The following CDH7 variants were observed in gnomAD, a reference collection of about 807,000 sequenced individuals.
CDH7 encodes the protein cadherin-7.
CDH7 carries 25 observed loss-of-function variants against 71.8 expected under a neutral mutation model. That is an observed-to-expected ratio of 0.35 (90% CI 0.25 to 0.49). CDH7 has a LOEUF of 0.49. Among genes scored for constraint, CDH7 ranks in the 20% least tolerant of loss-of-function variants. The pLI is 0.99. For synonymous variants in CDH7, 381 were observed against 363.8 expected (o/e 1.05, Z -0.54); for missense variants, 862 against 974.6 (o/e 0.88, Z 1.54).
In CDH7 at chr18:65,814,342, T is replaced by C. The variant is rs1370125477; in HGVS notation, c.506-143T>C. 1.2e-5 allele frequency: 10 copies of C among 807,028 alleles called. No homozygotes were observed. The Admixed American group carries it at 2.1e-4, about 17-fold the overall frequency. The allele number at this position is 807,028 out of a possible 1,614,324, so 50.0% of individuals were successfully genotyped here. A position where few individuals can be genotyped will look rare whatever the true frequency, so the allele number is the denominator to read the frequency against. Reference sequence around the variant, plus strand: ...GGGGCTGGTTTACTTAAAAAAATACTGTATCCATTTTTTTATGTGTCTTGA... The same window carrying C: ...GGGGCTGGTTTACTTAAAAAAATACCGTATCCATTTTTTTATGTGTCTTGA... On this transcript the variant is annotated intron_variant, in intron 3 of 11. Transcript: ENST00000397968.
intron 7 of CDH7, among the ~76,000 whole-genome samples, chr18:65,854,948 TAC>T (rs1234726005): frequency 7.3e-5 from 11 of 150,286 alleles, no homozygotes; most frequent in African/African-American, 1.7e-4. Flanking sequence ...CACATATATA[TAC>T]ACACACACAC....
At chr18:65,878,090 C>T (rs1283956134) in intron 11 of CDH7, among the ~76,000 whole-genome samples, 1 of 152,134 alleles carries the variant, frequency 6.6e-6, no homozygotes, top group African/African-American at 2.4e-5. Flanking sequence ...AATGGGAAAA[C>T]ACCTACCCCA....
At chr18:65,856,406 T>C (rs932301978) in intron 7 of CDH7, among the ~76,000 whole-genome samples, 1 of 152,118 alleles carries the variant, frequency 6.6e-6, no homozygotes, top group Non-Finnish European at 1.5e-5. Context: ...GGCAAATTGA[T>C]TTTAAGAAAA....
chr18:65,799,323 C>T (rs1911029112), intron 2 of CDH7, among the ~76,000 whole-genome samples: 1 of 152,016 alleles, frequency 6.6e-6, no homozygotes, highest in Non-Finnish European at 1.5e-5. Context: ...GGTAGGATCA[C>T]CCTGCTGTAG....
At position 65,885,701 on chromosome 18, in the gene CDH7, T is replaced by G. The variant is rs943653346; in HGVS notation, c.*4807T>G. ...GTTTTCATGTGTGTGATTGGGAACC[T>G]TGAGAGATGTATCTGAAGTAATGTA... is the stretch of plus-strand genomic sequence containing the variant. On this transcript the variant is annotated 3_prime_UTR_variant, in exon 12 of 12. Transcript: ENST00000397968. The G allele has an allele frequency of 6.6e-5, 10 of 152,140 alleles. No homozygotes were observed. Among genetic ancestry groups the G allele is most frequent in the African/African-American group, 1.7e-4 (7 of 41,430 alleles). The allele number at this position is 152,140 out of a possible 1,614,324, so 9.4% of individuals were successfully genotyped here.
At chr18:65,757,118 C>T (rs138299679) in intron 1 of CDH7, among the ~76,000 whole-genome samples, 5 of 151,442 alleles carry the variant, frequency 3.3e-5, no homozygotes, top group South Asian at 2.1e-4. Context: ...ATTAAGAGCA[C>T]GATAGTCACT....
At chr18:65,844,174 G>GATTTATATGTATAT (rs71167157) in intron 7 of CDH7, 109 bp downstream of exon 7, 1 of 222,152 alleles carries the variant, frequency 4.5e-6, no homozygotes, top group Non-Finnish European at 8.3e-6. Context: ...ATAAAAACCA[G>GATTTATATGTATAT]ATATATATAT....
At chr18:65,807,567 G>T (rs999416104) in intron 2 of CDH7, among the ~76,000 whole-genome samples, 5 of 152,228 alleles carry the variant, frequency 3.3e-5, no homozygotes, top group African/African-American at 1.2e-4. Context: ...CAGCAGTAAC[G>T]TGTAGGTAAG....
At chr18:65,864,486 G>T (rs2628260) in intron 11 of CDH7, among the ~76,000 whole-genome samples, 21,576 of 150,914 alleles carry the variant, frequency 0.14, 3,238 homozygotes, top group African/African-American at 0.38. Context: ...CCAATGTGGT[G>T]CAGGGAGGCC....
At chr18:65,757,095 A>G (rs1246859569) in intron 1 of CDH7, among the ~76,000 whole-genome samples, 1 of 151,024 alleles carries the variant, frequency 6.6e-6, no homozygotes, top group African/African-American at 2.4e-5. Context: ...TGTAAGTTTG[A>G]AAACACCATT....
At chr18:65,773,029 T>A (rs1305167697) in intron 2 of CDH7, among the ~76,000 whole-genome samples, 3 of 152,188 alleles carry the variant, frequency 2.0e-5, no homozygotes, top group African/African-American at 7.2e-5. Flanking sequence ...TAACTCTGGG[T>A]ACATCGATAA....
intron 11 of CDH7, among the ~76,000 whole-genome samples, chr18:65,878,952 GTTT>G (rs1914144222): frequency 6.6e-6 from 1 of 152,122 alleles, no homozygotes; most frequent in Non-Finnish European, 1.5e-5. Context: ...AAAAACAATT[GTTT>G]TCACAACTAT....
intron 2 of CDH7, among the ~76,000 whole-genome samples, chr18:65,782,986 T>A (rs986119601): frequency 9.2e-5 from 14 of 152,186 alleles, no homozygotes; most frequent in African/African-American, 3.4e-4. Flanking sequence ...GATAACTGTT[T>A]ACAACATGGA....
intron 6 of CDH7, 49 bp from the exon 7 acceptor site, chr18:65,843,763 G>A (rs1398694067): frequency 4.8e-6 from 7 of 1,452,010 alleles, no homozygotes; most frequent in Non-Finnish European, 6.4e-6. Context: ...GCTCTGCTTT[G>A]CTGACTGTTT....
intron 1 of CDH7, among the ~76,000 whole-genome samples, chr18:65,757,791 A>ATTT (rs72020881): frequency 4.4e-4 from 64 of 145,734 alleles, no homozygotes; most frequent in Middle Eastern, 3.6e-3. Flanking sequence ...ATATATATAT[A>ATTT]TTTTTTTTTT....
rs753458748 is a variant in CDH7 at position 65,880,741 on chromosome 18, T to C, written c.2205T>C (p.Phe735=). 1.2e-6 allele frequency: 2 copies of C among 1,614,154 alleles called. No individual in the cohort carries two copies. The highest frequency in any genetic ancestry group is 1.7e-5 in the Admixed American group (1 of 60,022). The change falls in exon 12 of 12, where the codon TTT becomes TTC. Residue 735 remains phenylalanine, a synonymous_variant. Transcript: ENST00000397968. ...PPYDSLQTYA[F]EGNGSVAESL... is the part of the protein sequence containing the mutation. Reference sequence around the variant, plus strand: ...ATGACTCCCTGCAGACATATGCTTTTGAAGGAAATGGCTCAGTTGCTGAAT... The same window carrying C: ...ATGACTCCCTGCAGACATATGCTTTCGAAGGAAATGGCTCAGTTGCTGAAT...
chr18:65,790,220 CAAAAAAAAAAAAA>C (rs10552878), intron 2 of CDH7, among the ~76,000 whole-genome samples: 2 of 66,500 alleles, frequency 3.0e-5, no homozygotes, highest in African/African-American at 5.2e-5. Context: ...GACTCTCTCT[CAAAAAAAAAAAAA>C]AAAAAAAAAA....
intron 2 of CDH7, among the ~76,000 whole-genome samples, chr18:65,798,619 G>T (rs1346291715): frequency 6.6e-6 from 1 of 152,214 alleles, no homozygotes; most frequent in African/African-American, 2.4e-5. Flanking sequence ...AGTAAAAGTT[G>T]TTGAGCAAAG....
Position 65,819,793 on chromosome 18 carries a change from T to C in CDH7, c.626-2288T>C, listed in dbSNP as rs563629300. ...ATATCCAAAAAAGTTTATTTAGTTT[T>C]AGTGAGAACAATCCTAAAGGGTTGA... is the stretch of plus-strand genomic sequence containing the variant. On this transcript the variant is annotated intron_variant, in intron 4 of 11. Transcript: ENST00000397968. Among the ~76,000 whole-genome samples the C allele has an allele frequency of 2.8e-4, 42 of 151,706 alleles. No individual in the cohort carries two copies. The South Asian group carries it at 4.6e-3, about 17-fold the overall frequency.
Sources: allele counts gnomAD v4.1 joint callset (sites outside exome capture counted in the v4.1 genomes callset), GRCh38; gene constraint gnomAD v4.1.1; transcripts MANE v1.5; gene names NCBI Gene and HGNC (gene_info 2026-07-23, HGNC 2026-07-21).